Variants in SERINC2 observed in about 807,000 individuals in gnomAD.
SERINC2 encodes the protein serine incorporator 2.
In SERINC2, 56 loss-of-function variants were observed where a neutral mutation model predicts 54.2. The ratio of observed to expected loss-of-function variants is 1.03; its 90% confidence interval spans 0.83 to 1.29. SERINC2 has a LOEUF of 1.29. Among genes scored for constraint, SERINC2 ranks in the 50% most tolerant of loss-of-function variants. SERINC2 has a pLI of 0.00. For synonymous variants in SERINC2, 272 were observed against 253.1 expected, an observed-to-expected ratio of 1.07 and a Z score of -0.71; for missense variants, 614 against 607.4, an observed-to-expected ratio of 1.01 and a Z score of -0.12.
In SERINC2 at chr1:31,425,404, C is replaced by A; in HGVS notation, c.467C>A (p.Thr156Asn). The A allele has an allele frequency of 6.2e-7, 1 of 1,608,122 alleles. No individual in the cohort carries two copies. Among genetic ancestry groups the A allele is most frequent in the Non-Finnish European group, 8.5e-7 (1 of 1,174,384 alleles). ...GAFYIPDGSF[T>N]NIWFYFGVVG... ...TTCTACATTCCTGACGGCTCCTTCACCAACAGTAGGCGGACTTGGCAGGAG... is the reference window on the plus strand; with the variant it reads ...TTCTACATTCCTGACGGCTCCTTCAACAACAGTAGGCGGACTTGGCAGGAG... Residue 156 changes from threonine to asparagine, a missense_variant, in exon 4 of 10, where the codon ACC becomes AAC. Transcript: ENST00000373709.
At chr1:31,432,164 A>ATAGGATGGT (rs1557501614) in intron 8 of SERINC2, among the ~76,000 whole-genome samples, 6 of 82,480 alleles carry the variant, frequency 7.3e-5, no homozygotes, top group African/African-American at 4.0e-4. Context: ...GACAGGGTGG[A>ATAGGATGGT]TAGGGTGGAT....
intron 1 of SERINC2, among the ~76,000 whole-genome samples, chr1:31,417,147 A>G (rs1640799190): frequency 6.6e-6 from 1 of 152,254 alleles, no homozygotes; most frequent in Non-Finnish European, 1.5e-5. Flanking sequence ...CGGTAACTCC[A>G]GAACATCTTC....
chr1:31,413,217 T>TCCGCGCC lies in SERINC2; in HGVS notation c.-40_-34dup, dbSNP rs1429700351. On this transcript the variant is annotated 5_prime_UTR_variant, in exon 1 of 10. Transcript: ENST00000373709. This position sits in a 1 kb window ranked among gnomAD's most constrained non-coding sequence, Gnocchi z 5.0. ...CAGGCCCGGCACCCGGATCCCGAGGTCCGCGCCCCGCGCCCGGCGCCGGGC... is the reference window on the plus strand; with the variant it reads ...CAGGCCCGGCACCCGGATCCCGAGGTCCGCGCCCCGCGCCCCGCGCCCGGCGCCGGGC... 2 of 1,084,998 alleles carry TCCGCGCC rather than the reference T, an allele frequency of 1.8e-6. No individual in the cohort carries two copies. The highest frequency in any genetic ancestry group is 1.1e-6 in the Non-Finnish European group (1 of 898,864). The allele number at this position is 1,084,998 out of a possible 1,614,324, so 67.2% of individuals were successfully genotyped here.
chr1:31,427,507 C>T (rs140374740), intron 6 of SERINC2, among the ~76,000 whole-genome samples: 25 of 152,104 alleles, frequency 1.6e-4, no homozygotes, highest in Middle Eastern at 3.2e-3. Context: ...CCAGAGAAGG[C>T]GATGTCTGTG....
upstream of SERINC2, among the ~76,000 whole-genome samples, chr1:31,412,245 G>A (rs1204158052): frequency 6.6e-6 from 1 of 152,102 alleles, no homozygotes; most frequent in East Asian, 1.9e-4. Flanking sequence ...GGCTAAGGGT[G>A]AAGGGAGACT....
chr1:31,425,282 C>T (rs781888737), intron 3 of SERINC2, 48 bp from the exon 4 acceptor site: 2 of 1,394,428 alleles, frequency 1.4e-6, no homozygotes, highest in East Asian at 2.3e-5. Flanking sequence ...CTTCCAGTTT[C>T]CCTGCCTGCA....
At position 31,434,223 on chromosome 1, in the gene SERINC2, G is replaced by A; in HGVS notation, c.*24G>A. On this transcript the variant is annotated 3_prime_UTR_variant, in exon 10 of 10. Coordinates refer to ENST00000373709, the MANE Select transcript of SERINC2 (RefSeq NM_178865.5). ...GAGGCAGCCTCACAGCCTGCCATCT[G>A]GTGCCTCCTGCCACCTGGTGCCTCT... 6.2e-7 allele frequency: 1 copy of A among 1,606,844 alleles called. No individual in the cohort carries two copies.
Position 31,434,146 on chromosome 1 carries a change from T to C in SERINC2, c.1315T>C (p.Tyr439His). 6.2e-7 allele frequency: 1 copy of C among 1,613,966 alleles called. No individual in the cohort carries two copies. ...TGCCAGCTGGGCAGGGCTGCTCCTC[T>C]ACCTGTGGACCCTGGTAGCCCCACT... ...ICASWAGLLL[Y>H]LWTLVAPLLL... is the part of the protein sequence containing the mutation. Residue 439 changes from tyrosine to histidine, a missense_variant, in exon 10 of 10, where the codon TAC becomes CAC. Transcript: ENST00000373709.
upstream of SERINC2, chr1:31,410,342 C>T: frequency 1.3e-6 from 2 of 1,547,144 alleles, no homozygotes; most frequent in Non-Finnish European, 1.7e-6. Flanking sequence ...CTCAGTAGTC[C>T]CCTCAGATAG....
chr1:31,410,165 T>G (rs1205695714), upstream of SERINC2: 3 of 1,432,504 alleles, frequency 2.1e-6, no homozygotes, highest in East Asian at 7.5e-5. Flanking sequence ...AGTGGTTGGG[T>G]GACTTGCCAG....
At chr1:31,426,850 T>G in intron 6 of SERINC2, 27 bp downstream of exon 6, 6 of 1,605,558 alleles carry the variant, frequency 3.7e-6, no homozygotes, top group Non-Finnish European at 4.3e-6. Flanking sequence ...CCCCCTGGCC[T>G]GAAGCCCGGC....
At chr1:31,431,777 A>ATAGGGTGGACAGGGTGGACAGGGTGGT (rs1641215946) in intron 8 of SERINC2, among the ~76,000 whole-genome samples, 1 of 95,632 alleles carries the variant, frequency 1.0e-5, no homozygotes, top group African/African-American at 4.7e-5. Context: ...GAGAGGGTGA[A>ATAGGGTGGACAGGGTGGACAGGGTGGT]TAGGGTGGAT....
chr1:31,434,090 G>A lies in SERINC2; in HGVS notation c.1259G>A (p.Ser420Asn), dbSNP rs1553135310. 6.2e-7 allele frequency: 1 copy of A among 1,614,038 alleles called. No individual in the cohort carries two copies. Among genetic ancestry groups the A allele is most frequent in the Admixed American group, 1.7e-5 (1 of 60,016 alleles). Residue 420 changes from serine (S) to asparagine (N), a missense_variant, in exon 10 of 10, where the codon AGC becomes AAC. Ser to Asn is a conservative substitution (Grantham distance 46). Transcript: ENST00000373709. ...YKPGETRKMI[S>N]TWTAVWVKIC... ...CCCGGTGAGACCCGGAAGATGATCA[G>A]CACGTGGACCGCCGTGTGGGTGAAG...
chr1:31,432,147 C>G (rs76686347), intron 8 of SERINC2, among the ~76,000 whole-genome samples: 514 of 4,684 alleles, frequency 0.11, 67 homozygotes, highest in Middle Eastern at 0.25. Context: ...ACAGGGTGGA[C>G]AGGGTGGACA....
chr1:31,433,718 G>T (rs1204676784), intron 9 of SERINC2, among the ~76,000 whole-genome samples: 1 of 152,120 alleles, frequency 6.6e-6, no homozygotes, highest in African/African-American at 2.4e-5. Flanking sequence ...CTAAGTTACA[G>T]GATCAAAGGT....
rs1459391390 is a variant in SERINC2 at position 31,413,298 on chromosome 1, C to T, written c.33C>T (p.Leu11=). The change falls in exon 1 of 10, where the codon CTC becomes CTT. Residue 11 remains leucine (L), a synonymous_variant. Transcript: ENST00000373709. The surrounding 1 kb of genome is among the most constrained non-coding windows in gnomAD (Gnocchi z 5.0). MGACLGACSL[L]SCASCLCGSA... is the part of the protein sequence containing the mutation. ...CCTGCCTGGGAGCCTGCTCCCTGCT[C>T]AGCTGCGTGAGTCCCGACCCCGGCG... 3.9e-6 allele frequency: 5 copies of T among 1,276,952 alleles called. No individual in the cohort carries two copies. The highest frequency in any genetic ancestry group is 3.8e-5 in the Admixed American group (1 of 26,126). 79.1% of individuals were successfully genotyped at this position (1,276,952 alleles called of 1,614,324 possible).
At chr1:31,432,227 A>ACAGGGTGGATAGGGTGCATAGGGTGGT (rs1641317269) in intron 8 of SERINC2, among the ~76,000 whole-genome samples, 1 of 146,234 alleles carries the variant, frequency 6.8e-6, no homozygotes, top group Admixed American at 6.8e-5. Context: ...GAGAGGGTGG[A>ACAGGGTGGATAGGGTGCATAGGGTGGT]TAGGGACCCA....
chr1:31,431,804 ACAGGGTGGACAGGG>A (rs1557499860), intron 8 of SERINC2, among the ~76,000 whole-genome samples: 30 of 122,456 alleles, frequency 2.4e-4, no homozygotes, highest in South Asian at 1.5e-3. Flanking sequence ...GATAGGGTGG[ACAGGGTGGACAGGG>A]TGGATAGGGT....
At chr1:31,431,130 TC>T (rs1553134405) in intron 8 of SERINC2, among the ~76,000 whole-genome samples, 1 of 129,878 alleles carries the variant, frequency 7.7e-6, no homozygotes, top group Non-Finnish European at 1.6e-5. Context: ...CCCTCCTCTC[TC>T]TTTTCTTTTT....
Sources: gnomAD v4.1 joint callset for allele counts (sites outside exome capture counted in the v4.1 genomes callset) on GRCh38, gnomAD v4.1.1 for gene constraint, Gnocchi (gnomAD v3.1) non-coding constraint, MANE v1.5 for transcripts, NCBI Gene and HGNC (gene_info 2026-07-23, HGNC 2026-07-21) for gene names.